The following KHDRBS2 variants were observed in gnomAD, a reference collection of about 807,000 sequenced individuals.
The protein encoded by KHDRBS2 is KH domain-containing, RNA-binding, signal transduction-associated protein 2.
KHDRBS2 carries 26 observed loss-of-function variants against 44.3 expected under a neutral mutation model. That is an observed-to-expected ratio of 0.59 (90% CI 0.43 to 0.81). KHDRBS2 has a LOEUF of 0.81. Ranked by LOEUF, KHDRBS2 falls within the 40% of genes least tolerant of loss-of-function variation. The pLI, the probability that KHDRBS2 is intolerant of heterozygous loss-of-function variation, is 0.00. For missense variants in KHDRBS2, 476 were observed against 433.1 expected (o/e 1.10, Z -0.88); for synonymous variants, 194 against 151.1 (o/e 1.28, Z -2.08).
the KHDRBS2 span, among the ~76,000 whole-genome samples, chr6:61,653,805 T>C: frequency 4.0e-5 from 6 of 151,830 alleles, no homozygotes; most frequent in Admixed American, 6.6e-5. Flanking sequence ...AAAAGATCAT[T>C]TGGGGAAGAA....
At chr6:62,282,157 A>C (rs1476716929) in intron 1 of KHDRBS2, among the ~76,000 whole-genome samples, 1 of 152,172 alleles carries the variant, frequency 6.6e-6, no homozygotes, top group East Asian at 1.9e-4. Context: ...GATCTAACTA[A>C]AAAATGGTTC....
At chr6:61,882,714 T>C (rs1800377622) in intron 6 of KHDRBS2, among the ~76,000 whole-genome samples, 1 of 151,992 alleles carries the variant, frequency 6.6e-6, no homozygotes, top group Non-Finnish European at 1.5e-5. Flanking sequence ...CAAAGATCTG[T>C]TTCTGATAGA....
chr6:62,255,758 A>T (rs1393707372), intron 1 of KHDRBS2, among the ~76,000 whole-genome samples: 1 of 151,978 alleles, frequency 6.6e-6, no homozygotes. Flanking sequence ...GTATACTACT[A>T]GAGTACCCCA....
At chr6:61,675,592 T>C (rs1339858131), downstream of KHDRBS2, among the ~76,000 whole-genome samples, 2 of 151,776 alleles carry the variant, frequency 1.3e-5, no homozygotes, top group African/African-American at 2.4e-5. Context: ...AAATATTACA[T>C]AGTGACCTCA....
the KHDRBS2 span, among the ~76,000 whole-genome samples, chr6:61,650,984 G>A: frequency 6.6e-6 from 1 of 152,012 alleles, no homozygotes. Context: ...TTTCCAATGT[G>A]TACATTCTCT....
intron 3 of KHDRBS2, among the ~76,000 whole-genome samples, chr6:61,979,874 G>A (rs1449998311): frequency 6.6e-6 from 1 of 152,118 alleles, no homozygotes; most frequent in Non-Finnish European, 1.5e-5. Context: ...TTAAATCAGA[G>A]ATTTCTTGAC....
intron 6 of KHDRBS2, among the ~76,000 whole-genome samples, chr6:61,794,005 C>T (rs558213776): frequency 5.3e-5 from 8 of 152,210 alleles, no homozygotes; most frequent in African/African-American, 1.9e-4. Flanking sequence ...ATTCAGCATG[C>T]TACCAAGATA....
chr6:61,654,153 T>A, the KHDRBS2 span, among the ~76,000 whole-genome samples: 1 of 152,066 alleles, frequency 6.6e-6, no homozygotes, highest in East Asian at 1.9e-4. Context: ...GACCCTATCA[T>A]TCTTTGTGAG....
At chr6:61,707,275 T>C (rs1299887209) in intron 7 of KHDRBS2, among the ~76,000 whole-genome samples, 2 of 151,766 alleles carry the variant, frequency 1.3e-5, no homozygotes, top group East Asian at 1.9e-4. Context: ...TCAAGGATTC[T>C]ACTCCATGTC....
intron 6 of KHDRBS2, among the ~76,000 whole-genome samples, chr6:61,843,838 A>G (rs533802681): frequency 2.8e-4 from 43 of 152,260 alleles, no homozygotes; most frequent in African/African-American, 9.4e-4. Context: ...ACAGCCCAAG[A>G]TTTAGTTTTT....
At chr6:61,717,672 T>C (rs1196512477) in intron 7 of KHDRBS2, among the ~76,000 whole-genome samples, 3 of 152,134 alleles carry the variant, frequency 2.0e-5, no homozygotes, top group Non-Finnish European at 2.9e-5. Flanking sequence ...ATAACTGCAG[T>C]GTTTCACACT....
intron 4 of KHDRBS2, among the ~76,000 whole-genome samples, chr6:61,903,654 A>C (rs1328498094): frequency 6.6e-6 from 1 of 152,156 alleles, no homozygotes; most frequent in African/African-American, 2.4e-5. Context: ...AGTTTCCACC[A>C]CACTGACTCT....
At chr6:62,072,374 A>G (rs1795342674) in intron 2 of KHDRBS2, among the ~76,000 whole-genome samples, 1 of 152,140 alleles carries the variant, frequency 6.6e-6, no homozygotes, top group African/African-American at 2.4e-5. Context: ...AACTTCCAAC[A>G]CTACGTTGAA....
the KHDRBS2 span, among the ~76,000 whole-genome samples, chr6:61,625,196 C>T: frequency 6.6e-6 from 1 of 151,670 alleles, no homozygotes; most frequent in Non-Finnish European, 1.5e-5. Flanking sequence ...GCTGACCTAT[C>T]AGGAATGAGT....
chr6:61,617,379 A>T, the KHDRBS2 span, among the ~76,000 whole-genome samples: 1 of 151,968 alleles, frequency 6.6e-6, no homozygotes, highest in African/African-American at 2.4e-5. Flanking sequence ...CTAGATTATC[A>T]GTCTCATTGT....
At chr6:61,705,226 T>C (rs1561996132) in intron 7 of KHDRBS2, among the ~76,000 whole-genome samples, 1 of 151,866 alleles carries the variant, frequency 6.6e-6, no homozygotes, top group African/African-American at 2.4e-5. Flanking sequence ...TAATTCCTAA[T>C]TGATTTTACT....
intron 2 of KHDRBS2, among the ~76,000 whole-genome samples, chr6:62,164,121 C>G (rs1311082722): frequency 6.6e-6 from 1 of 151,688 alleles, no homozygotes; most frequent in Non-Finnish European, 1.5e-5. Flanking sequence ...GTTAAATTTT[C>G]TACTGCACGT....
At chr6:61,887,827 G>T (rs1161919443) in intron 6 of KHDRBS2, among the ~76,000 whole-genome samples, 1 of 152,102 alleles carries the variant, frequency 6.6e-6, no homozygotes, top group African/African-American at 2.4e-5. Context: ...CTTACCCCTT[G>T]CAGAGGAATC....
chr6:62,074,863 G>T (rs1281055235), intron 2 of KHDRBS2, among the ~76,000 whole-genome samples: 1 of 151,762 alleles, frequency 6.6e-6, no homozygotes, highest in African/African-American at 2.4e-5. Context: ...AATTTTCTCA[G>T]ATTACTCAGT....
Sources: allele counts gnomAD v4.1 joint callset (sites outside exome capture counted in the v4.1 genomes callset), GRCh38; gene constraint gnomAD v4.1.1; transcripts MANE v1.5; gene names NCBI Gene and HGNC (gene_info 2026-07-23, HGNC 2026-07-21).